TMEM30A: variants seen among roughly 807,000 people sequenced by gnomAD.
The protein encoded by TMEM30A is cell cycle control protein 50A.
Under a neutral mutation model 38.2 loss-of-function variants are expected in TMEM30A, and 24 were observed. The observed-to-expected ratio is 0.63, with a 90% confidence interval of 0.46 to 0.88. TMEM30A has a LOEUF of 0.88. Among genes scored for constraint, TMEM30A ranks in the 40% least tolerant of loss-of-function variants. TMEM30A has a pLI of 0.00. For synonymous variants in TMEM30A, 145 were observed against 161.6 expected (o/e 0.90, Z 0.78); for missense variants, 370 against 458.6 (o/e 0.81, Z 1.77).
chr6:75,276,636 C>T (rs1179472360), intron 1 of TMEM30A, among the ~76,000 whole-genome samples: 1 of 152,166 alleles, frequency 6.6e-6, no homozygotes, highest in African/African-American at 2.4e-5. Context: ...CAGAAATACC[C>T]TGCTTTACTC....
chr6:75,267,742 A>G lies in TMEM30A; in HGVS notation c.244T>C (p.Tyr82His). ...SNNIREIEID[Y>H]TGTEPSSPCN... ...GGACTGGAAGGCTCTGTTCCGGTAT[A>G]ATCAATCTGCAAGAGAAAAATATAA... The change falls in exon 2 of 7, where the codon TAT becomes CAT. Residue 82 changes from tyrosine (Y) to histidine (H), a missense_variant. Tyr to His is a moderately conservative substitution (Grantham distance 83). Coordinates refer to ENST00000230461, the MANE Select transcript of TMEM30A (RefSeq NM_018247.4). 2 of 1,593,324 alleles carry G rather than the reference A, an allele frequency of 1.3e-6. No individual in the cohort carries two copies. Among genetic ancestry groups the G allele is most frequent in the Non-Finnish European group, 8.5e-7 (1 of 1,170,276 alleles).
intron 1 of TMEM30A, among the ~76,000 whole-genome samples, chr6:75,268,241 G>A (rs998268946): frequency 6.6e-6 from 1 of 152,198 alleles, no homozygotes; most frequent in Non-Finnish European, 1.5e-5. Flanking sequence ...TCCCGGCAAG[G>A]AGCTTTATGC....
chr6:75,277,305 CAAAAAAAAAAA>C (rs60419282), intron 1 of TMEM30A, among the ~76,000 whole-genome samples: 9 of 91,672 alleles, frequency 9.8e-5, no homozygotes, highest in South Asian at 3.8e-4. Flanking sequence ...TGTCCTCATC[CAAAAAAAAAAA>C]AAAAAAAAAA....
At chr6:75,275,621 A>C (rs1284119261) in intron 1 of TMEM30A, among the ~76,000 whole-genome samples, 1 of 152,208 alleles carries the variant, frequency 6.6e-6, no homozygotes, top group Non-Finnish European at 1.5e-5. Flanking sequence ...TATCAATTGC[A>C]TGAGAAAATT....
chr6:75,275,465 C>T (rs1582284800), intron 1 of TMEM30A, among the ~76,000 whole-genome samples: 1 of 152,222 alleles, frequency 6.6e-6, no homozygotes, highest in East Asian at 1.9e-4. Context: ...ATTCTGCTTC[C>T]CCCACCACAT....
intron 1 of TMEM30A, among the ~76,000 whole-genome samples, chr6:75,279,387 G>A (rs1582287226): frequency 6.6e-6 from 1 of 151,670 alleles, no homozygotes; most frequent in East Asian, 1.9e-4. Flanking sequence ...GAATAAAGTT[G>A]TTACCATGGG....
chr6:75,271,120 C>G (rs957689317), intron 1 of TMEM30A, among the ~76,000 whole-genome samples: 3 of 152,000 alleles, frequency 2.0e-5, no homozygotes, highest in Non-Finnish European at 4.4e-5. Context: ...CCTCTTAAGA[C>G]TAATCTAAGC....
At chr6:75,261,497 A>C (rs1771963718) in intron 3 of TMEM30A, among the ~76,000 whole-genome samples, 1 of 152,232 alleles carries the variant, frequency 6.6e-6, no homozygotes, top group Non-Finnish European at 1.5e-5. Context: ...AAAAATGCTG[A>C]CAAGGCAGAA....
chr6:75,262,244 G>C (rs577752673), intron 3 of TMEM30A, among the ~76,000 whole-genome samples: 2 of 152,162 alleles, frequency 1.3e-5, no homozygotes, highest in East Asian at 3.9e-4. Flanking sequence ...CTACTTAGGA[G>C]GGTGAGGTGG....
intron 2 of TMEM30A, among the ~76,000 whole-genome samples, chr6:75,266,657 C>A (rs984949502): frequency 6.6e-6 from 1 of 152,142 alleles, no homozygotes; most frequent in African/African-American, 2.4e-5. Flanking sequence ...ATTAATAGAG[C>A]TTCTATATCA....
chr6:75,265,116 C>G, intron 3 of TMEM30A, 115 bp downstream of exon 3: 1 of 650,976 alleles, frequency 1.5e-6, no homozygotes, highest in Non-Finnish European at 2.4e-6. Context: ...AAAATCCTCA[C>G]TATACAAACT....
chr6:75,267,577 T>G, intron 2 of TMEM30A, 64 bp downstream of exon 2: 1 of 1,149,872 alleles, frequency 8.7e-7, no homozygotes. Flanking sequence ...GTAAAAGACA[T>G]TTAGTACAGT....
chr6:75,281,340 T>G (rs1772353234), intron 1 of TMEM30A, among the ~76,000 whole-genome samples: 1 of 152,138 alleles, frequency 6.6e-6, no homozygotes, highest in Admixed American at 6.5e-5. Flanking sequence ...GACTCACAAT[T>G]GCCAAATTAA....
rs577351845 is a variant in TMEM30A, at chr6:75,258,793, C to T, written c.879G>A (p.Leu293=). Residue 293 remains leucine, a synonymous_variant, in exon 6 of 7, where the codon TTG becomes TTA. Coordinates refer to ENST00000230461, the MANE Select transcript of TMEM30A (RefSeq NM_018247.4). ...AAAAAAGGATACTGTATGTGACATT[C>T]AAAGAGTATCGGCCAGCTGGTAATG... ...HPTLPAGRYS[L]NVTYNYPVHY... is the part of the protein sequence containing the mutation. 1 of 1,613,734 alleles carries T rather than the reference C, an allele frequency of 6.2e-7. No homozygotes were observed. Among genetic ancestry groups the T allele is most frequent in the South Asian group, 1.1e-5 (1 of 91,048 alleles).
intron 3 of TMEM30A, among the ~76,000 whole-genome samples, chr6:75,264,066 C>A (rs548184132): frequency 2.0e-5 from 3 of 152,132 alleles, no homozygotes; most frequent in Admixed American, 1.3e-4. Flanking sequence ...ATGGAATAAA[C>A]CCCACATAGA....
At chr6:75,275,688 A>C (rs1772249154) in intron 1 of TMEM30A, among the ~76,000 whole-genome samples, 1 of 152,320 alleles carries the variant, frequency 6.6e-6, no homozygotes, top group South Asian at 2.1e-4. Flanking sequence ...CACTGCAACC[A>C]TTCTACTGTG....
chr6:75,283,058 A>T (rs1010380469), intron 1 of TMEM30A, among the ~76,000 whole-genome samples: 1 of 152,196 alleles, frequency 6.6e-6, no homozygotes, highest in African/African-American at 2.4e-5. Context: ...CTGAAAAAAA[A>T]TACTGTAACT....
intron 1 of TMEM30A, among the ~76,000 whole-genome samples, chr6:75,271,734 C>G (rs1270236774): frequency 1.4e-4 from 22 of 152,220 alleles, no homozygotes. Flanking sequence ...CCAAGGATTT[C>G]TGACTCCAAG....
At chr6:75,261,991 T>C (rs1043587246) in intron 3 of TMEM30A, among the ~76,000 whole-genome samples, 3 of 152,330 alleles carry the variant, frequency 2.0e-5, no homozygotes, top group East Asian at 3.9e-4. Flanking sequence ...GTATTTACTA[T>C]CTATGTGTCA....
Sources: gnomAD v4.1 joint callset for allele counts (sites outside exome capture counted in the v4.1 genomes callset) on GRCh38, gnomAD v4.1.1 for gene constraint, MANE v1.5 for transcripts, NCBI Gene and HGNC (gene_info 2026-07-23, HGNC 2026-07-21) for gene names.